SLC6A15: variants seen among roughly 807,000 people sequenced by gnomAD.
The protein encoded by SLC6A15 is sodium-dependent neutral amino acid transporter B(0)AT2.
SLC6A15 carries 33 observed loss-of-function variants against 68.5 expected under a neutral mutation model. The observed-to-expected ratio is 0.48, with a 90% CI of 0.37 to 0.64. SLC6A15 has a LOEUF of 0.64. SLC6A15 is among the 30% of genes least tolerant of loss of function. The probability of loss-of-function intolerance (pLI) is 0.00; values close to 1 mark genes in which losing one functional copy is unlikely to be tolerated. For synonymous variants in SLC6A15, 347 were observed against 301.0 expected (o/e 1.15, Z -1.58); for missense variants, 747 against 874.3 (o/e 0.85, Z 1.84).
chr12:84,884,557 C>T (rs890433490), intron 4 of SLC6A15, among the ~76,000 whole-genome samples: 2 of 152,056 alleles, frequency 1.3e-5, no homozygotes, highest in African/African-American at 4.8e-5. Context: ...CTACCTGCCT[C>T]GACCTCCCAA....
intron 1 of SLC6A15, among the ~76,000 whole-genome samples, chr12:84,912,309 G>A (rs1873506210): frequency 6.6e-6 from 1 of 152,134 alleles, no homozygotes; most frequent in African/African-American, 2.4e-5. Context: ...TGATTGTACA[G>A]AGATGCAGAG....
intron 1 of SLC6A15, among the ~76,000 whole-genome samples, chr12:84,893,625 A>G (rs1872519615): frequency 6.6e-6 from 1 of 152,222 alleles, no homozygotes; most frequent in Non-Finnish European, 1.5e-5. Context: ...GGAATAAAAT[A>G]GAATTTATTA....
At chr12:84,875,651 T>TATATATATAA (rs1871485721) in intron 6 of SLC6A15, among the ~76,000 whole-genome samples, 1 of 176 alleles carries the variant, frequency 5.7e-3, no homozygotes, top group Non-Finnish European at 0.025. Context: ...GGGTGCACCA[T>TATATATATAA]ATATATATAT....
chr12:84,888,119 C>T (rs1319194522), intron 2 of SLC6A15, among the ~76,000 whole-genome samples: 4 of 150,354 alleles, frequency 2.7e-5, no homozygotes, highest in African/African-American at 4.9e-5. Context: ...AACAGCTGAG[C>T]GTGGGCTGCG....
At position 84,884,051 on chromosome 12, in the gene SLC6A15, A is replaced by T; in HGVS notation, c.575-11T>A. On this transcript the variant is annotated splice_polypyrimidine_tract_variant and intron_variant, in intron 4 of 11. Coordinates refer to ENST00000266682, the MANE Select transcript of SLC6A15 (RefSeq NM_182767.6). Reference sequence around the variant, plus strand: ...ATTCTGGTTCTACAACTGTAGAAAGAAAAGTAACACACAATTATTTCAGAA... The same window carrying T: ...ATTCTGGTTCTACAACTGTAGAAAGTAAAGTAACACACAATTATTTCAGAA... 6.3e-7 allele frequency: 1 copy of T among 1,598,646 alleles called. No individual in the cohort carries two copies. Among genetic ancestry groups the T allele is most frequent in the East Asian group, 2.2e-5 (1 of 44,754 alleles).
chr12:84,867,704 G>A (rs1435572722), intron 9 of SLC6A15: 1 of 151,988 alleles, frequency 6.6e-6, no homozygotes, highest in Non-Finnish European at 1.5e-5. Flanking sequence ...AAGCATAAGT[G>A]GAAAAATCTG....
At chr12:84,899,619 C>G (rs77837934) in intron 1 of SLC6A15, among the ~76,000 whole-genome samples, 6,281 of 152,218 alleles carry the variant, frequency 0.041, 407 homozygotes, top group African/African-American at 0.14. Flanking sequence ...TCCAGCATCA[C>G]TTTCTAAAGC....
Position 84,883,927 on chromosome 12 carries a change from T to C in SLC6A15, c.688A>G (p.Ile230Val). The change falls in exon 5 of 12, where the codon ATC becomes GTC. Residue 230 changes from isoleucine to valine, a missense_variant. Ile to Val is a conservative substitution (Grantham distance 29). Coordinates refer to ENST00000266682, the MANE Select transcript of SLC6A15 (RefSeq NM_182767.6). The part of the protein sequence containing the change: ...ESGGLNWKMT[I>V]CLLAAWVMVC... The stretch of plus-strand genomic sequence containing the variant: ...ATGACCCAGGCAGCCAACAAGCAGA[T>C]GGTCATCTTCCAGTTTAAGCCCCCA... 3 of 1,614,120 alleles carry C rather than the reference T, an allele frequency of 1.9e-6. No individual in the cohort carries two copies. The highest frequency in any genetic ancestry group is 2.7e-5 in the African/African-American group (2 of 75,066).
At chr12:84,873,385 A>G in intron 6 of SLC6A15, 57 bp from the exon 7 acceptor site, 1 of 1,571,702 alleles carries the variant, frequency 6.4e-7, no homozygotes, top group Admixed American at 1.8e-5. Flanking sequence ...AGAATAATTA[A>G]TTTTTATGGA....
At chr12:84,891,478 GT>G (rs1369637524) in intron 2 of SLC6A15, among the ~76,000 whole-genome samples, 1 of 152,154 alleles carries the variant, frequency 6.6e-6, no homozygotes, top group Non-Finnish European at 1.5e-5. Context: ...CACCAGTATT[GT>G]CATATATCAG....
chr12:84,875,245 T>C (rs188172231), intron 6 of SLC6A15, among the ~76,000 whole-genome samples: 2 of 151,880 alleles, frequency 1.3e-5, no homozygotes, highest in East Asian at 3.9e-4. Context: ...GTGTGGCCCA[T>C]TTGTAGCAGA....
chr12:84,894,067 G>A (rs1428299424), intron 1 of SLC6A15, among the ~76,000 whole-genome samples: 1 of 151,986 alleles, frequency 6.6e-6, no homozygotes, highest in African/African-American at 2.4e-5. Context: ...GTTTTGATAT[G>A]GAAATAATTC....
intron 9 of SLC6A15, among the ~76,000 whole-genome samples, chr12:84,870,114 T>G (rs1871221907): frequency 6.6e-6 from 1 of 151,914 alleles, no homozygotes; most frequent in African/African-American, 2.4e-5. Flanking sequence ...ATATCACATC[T>G]GAACTGCTCT....
rs1407975147 is a variant in SLC6A15, at chr12:84,872,733, G to A, written c.1171C>T (p.His391Tyr). 5.0e-6 allele frequency: 8 copies of A among 1,612,642 alleles called. No homozygotes were observed. The highest frequency in any genetic ancestry group is 1.1e-5 in the South Asian group (1 of 90,898). Reference protein sequence around the residue: ...MGNISQDIIPHHINLSTVTAE... With the variant: ...MGNISQDIIPYHINLSTVTAE... ...GTAACAGTTGAAAGGTTGATATGAT[G>A]GGGAATAATATCCTGACTAATGTTC... The change falls in exon 8 of 12, where the codon CAT becomes TAT. Residue 391 changes from histidine (H) to tyrosine (Y), a missense_variant. Physicochemically the swap from His to Tyr is moderately conservative, Grantham distance 83. Coordinates refer to ENST00000266682, the MANE Select transcript of SLC6A15 (RefSeq NM_182767.6).
At chr12:84,907,306 C>G (rs945080445) in intron 1 of SLC6A15, among the ~76,000 whole-genome samples, 1 of 151,732 alleles carries the variant, frequency 6.6e-6, no homozygotes, top group Admixed American at 6.6e-5. Flanking sequence ...TGAGATCGCG[C>G]CACTGAACTC....
At chr12:84,902,005 A>G (rs1361748673) in intron 1 of SLC6A15, among the ~76,000 whole-genome samples, 2 of 151,910 alleles carry the variant, frequency 1.3e-5, no homozygotes, top group East Asian at 3.9e-4. Flanking sequence ...CCGTATGCCA[A>G]TTAGTTTATA....
chr12:84,882,292 C>T (rs982920152), intron 5 of SLC6A15: 13 of 985,112 alleles, frequency 1.3e-5, no homozygotes, highest in African/African-American at 3.5e-5. Flanking sequence ...TATAATGTGA[C>T]GGGAATGTGG....
In SLC6A15 at chr12:84,867,194, C is replaced by T; in HGVS notation, c.1496-1G>A. ...CAAAATGCCAGAAGACAACAGATAACTAGACAAAAGAAATAAATGAAAAAA... is the reference window on the plus strand; with the variant it reads ...CAAAATGCCAGAAGACAACAGATAATTAGACAAAAGAAATAAATGAAAAAA... On this transcript the variant is annotated splice_acceptor_variant, in intron 9 of 11. Coordinates refer to ENST00000266682, the MANE Select transcript of SLC6A15 (RefSeq NM_182767.6). LOFTEE classifies it high-confidence loss of function. The T allele has an allele frequency of 6.3e-7, 1 of 1,578,108 alleles. No homozygotes were observed. Among genetic ancestry groups the T allele is most frequent in the Non-Finnish European group, 8.6e-7 (1 of 1,165,258 alleles).
At chr12:84,889,738 C>A (rs1872302513) in intron 2 of SLC6A15, among the ~76,000 whole-genome samples, 1 of 151,882 alleles carries the variant, frequency 6.6e-6, no homozygotes, top group Non-Finnish European at 1.5e-5. Flanking sequence ...AATTATTAAC[C>A]CTATTTTACA....
Sources: gnomAD v4.1 joint callset for allele counts (sites outside exome capture counted in the v4.1 genomes callset) on GRCh38, gnomAD v4.1.1 for gene constraint, MANE v1.5 for transcripts, NCBI Gene and HGNC (gene_info 2026-07-23, HGNC 2026-07-21) for gene names.